Variants in GDAP1 observed in about 807,000 individuals in gnomAD.
GDAP1 encodes the protein ganglioside-induced differentiation-associated protein 1.
GDAP1 carries 34 observed loss-of-function variants against 40.1 expected under a neutral mutation model. That is an observed-to-expected ratio of 0.85 (90% CI 0.64 to 1.13). The LOEUF (loss-of-function observed/expected upper bound fraction) is 1.13. Ranked by LOEUF, GDAP1 falls within the 50% of genes most tolerant of loss-of-function variation. GDAP1 has a pLI of 0.00. For synonymous variants in GDAP1, 170 were observed against 157.4 expected, an observed-to-expected ratio of 1.08 and a Z score of -0.60; for missense variants, 374 against 433.7, an observed-to-expected ratio of 0.86 and a Z score of 1.22.
chr8:74,361,692 G>T (rs1809372133), intron 3 of GDAP1, among the ~76,000 whole-genome samples, 192 bp from the exon 4 acceptor site: 1 of 152,176 alleles, frequency 6.6e-6, no homozygotes, highest in Admixed American at 6.5e-5. Flanking sequence ...ACCGCGCCCA[G>T]CCGGCAGATA....
chr8:74,440,196 A>C (rs13264470), intron 2 of GDAP1, among the ~76,000 whole-genome samples: 43,189 of 152,080 alleles, frequency 0.28, 6,462 homozygotes, highest in Middle Eastern at 0.44. Context: ...GGCACTGCAG[A>C]GTTAGCATGA....
At chr8:74,469,668 C>CAA (rs753792948) in intron 2 of GDAP1, among the ~76,000 whole-genome samples, 4 of 105,204 alleles carry the variant, frequency 3.8e-5, no homozygotes, top group Admixed American at 1.1e-4. Context: ...GACTCCGTCT[C>CAA]AAAAAAAAAA....
chr8:74,402,367 G>T (rs1448522838), intron 2 of GDAP1, among the ~76,000 whole-genome samples: 1 of 150,474 alleles, frequency 6.6e-6, no homozygotes, highest in Non-Finnish European at 1.5e-5. Flanking sequence ...CCAGTTGCGG[G>T]ATATAATCTC....
At chr8:74,412,249 A>T (rs534459081) in intron 2 of GDAP1, among the ~76,000 whole-genome samples, 1 of 150,130 alleles carries the variant, frequency 6.7e-6, no homozygotes, top group Non-Finnish European at 1.5e-5. Context: ...TTATTTGAAG[A>T]ATTTTGTGTA....
At chr8:74,352,352 T>C (rs1211817826) in intron 2 of GDAP1, among the ~76,000 whole-genome samples, 2 of 152,232 alleles carry the variant, frequency 1.3e-5, no homozygotes, top group Non-Finnish European at 2.9e-5. Flanking sequence ...AGCTGAATGC[T>C]CTTCTAAAAA....
At chr8:74,390,284 C>A (rs900645231) in intron 2 of GDAP1, among the ~76,000 whole-genome samples, 6 of 152,118 alleles carry the variant, frequency 3.9e-5, no homozygotes, top group Non-Finnish European at 8.8e-5. Flanking sequence ...GAATTTTTAG[C>A]CTTTTTGCGC....
intron 2 of GDAP1, among the ~76,000 whole-genome samples, chr8:74,408,818 C>T (rs896637978): frequency 6.7e-6 from 1 of 150,064 alleles, no homozygotes; most frequent in Non-Finnish European, 1.5e-5. Context: ...CCTGGACCCC[C>T]AATCCTTGAA....
intron 2 of GDAP1, among the ~76,000 whole-genome samples, chr8:74,392,467 A>G (rs1810124932): frequency 6.6e-6 from 1 of 151,516 alleles, no homozygotes; most frequent in African/African-American, 2.5e-5. Context: ...TGCTGATCTC[A>G]GTGGAAAATG....
intron 2 of GDAP1, among the ~76,000 whole-genome samples, chr8:74,386,760 A>G (rs1388498813): frequency 1.3e-5 from 2 of 152,202 alleles, no homozygotes; most frequent in Non-Finnish European, 2.9e-5. Flanking sequence ...CATTGAATCT[A>G]TAAACTCCTT....
chr8:74,411,976 T>C (rs1420639907), intron 2 of GDAP1, among the ~76,000 whole-genome samples: 2 of 150,132 alleles, frequency 1.3e-5, no homozygotes, highest in African/African-American at 5.1e-5. Flanking sequence ...TTTTCATTCC[T>C]GTGTCCCAAA....
At chr8:74,478,923 G>A (rs1202317216) in intron 2 of GDAP1, among the ~76,000 whole-genome samples, 2 of 152,184 alleles carry the variant, frequency 1.3e-5, no homozygotes, top group Non-Finnish European at 2.9e-5. Context: ...GTGCATGGTA[G>A]CCTTGTACAG....
intron 2 of GDAP1, among the ~76,000 whole-genome samples, chr8:74,436,445 C>A (rs925817226): frequency 2.2e-5 from 3 of 136,678 alleles, no homozygotes; most frequent in African/African-American, 8.2e-5. Flanking sequence ...TTTTCTGAGA[C>A]GGAGTCTCAC....
At chr8:74,370,860 A>C (rs1809736998), downstream of GDAP1, among the ~76,000 whole-genome samples, 1 of 152,240 alleles carries the variant, frequency 6.6e-6, no homozygotes, top group African/African-American at 2.4e-5. Context: ...GGAGTTTAAG[A>C]CAGAGTTTTA....
intron 2 of GDAP1, among the ~76,000 whole-genome samples, chr8:74,387,413 G>T (rs568450112): frequency 6.6e-6 from 1 of 152,230 alleles, no homozygotes; most frequent in South Asian, 2.1e-4. Flanking sequence ...TTTATCGAAG[G>T]CCTTTTCTGC....
chr8:74,381,638 C>T (rs1050396769), intron 2 of GDAP1, among the ~76,000 whole-genome samples: 2 of 151,942 alleles, frequency 1.3e-5, no homozygotes, highest in Admixed American at 6.6e-5. Flanking sequence ...TGCCTGTAAT[C>T]CCAGCTACTC....
intron 3 of GDAP1, among the ~76,000 whole-genome samples, chr8:74,361,290 A>G (rs1809348899): frequency 6.6e-6 from 1 of 152,248 alleles, no homozygotes; most frequent in African/African-American, 2.4e-5. Flanking sequence ...AGGTAGAGGA[A>G]GGCGGAGCAG....
intron 2 of GDAP1, among the ~76,000 whole-genome samples, chr8:74,409,667 C>T (rs6992047): frequency 0.11 from 16,843 of 149,732 alleles, 2,399 homozygotes; most frequent in African/African-American, 0.25. Context: ...GTTCCTTTCT[C>T]AGGAAATCAT....
chr8:74,366,315 T>G lies in GDAP1; in HGVS notation c.*1948T>G, dbSNP rs1345691983. On this transcript the variant is annotated 3_prime_UTR_variant, in exon 6 of 6. Transcript: ENST00000220822. ...CGCTGTTTATCCAGTAGACTAAGATTGAGTGTTCTTTTTGTTCAGCAACTC... is the reference window on the plus strand; with the variant it reads ...CGCTGTTTATCCAGTAGACTAAGATGGAGTGTTCTTTTTGTTCAGCAACTC... 1.8e-5 allele frequency: 8 copies of G among 454,388 alleles called. No homozygotes were observed. The highest frequency in any genetic ancestry group is 3.5e-5 in the Non-Finnish European group (8 of 226,778). 28.1% of individuals were successfully genotyped at this position (454,388 alleles called of 1,614,324 possible). A position where few individuals can be genotyped will look rare whatever the true frequency, so the allele number is the denominator to read the frequency against.
intron 2 of GDAP1, among the ~76,000 whole-genome samples, chr8:74,399,450 A>G (rs910898026): frequency 6.7e-6 from 1 of 148,408 alleles, no homozygotes; most frequent in African/African-American, 2.6e-5. Context: ...TTTCTCCTTT[A>G]TTAGTCTTGT....
Sources: allele counts gnomAD v4.1 joint callset (sites outside exome capture counted in the v4.1 genomes callset), GRCh38; gene constraint gnomAD v4.1.1; transcripts MANE v1.5; gene names NCBI Gene and HGNC (gene_info 2026-07-23, HGNC 2026-07-21).